The following POLQ variants were observed in gnomAD, a reference collection of about 807,000 sequenced individuals.
The protein encoded by POLQ is DNA polymerase theta.
In POLQ, 233 loss-of-function variants were observed where a neutral mutation model predicts 259.2. The ratio of observed to expected loss-of-function variants is 0.90; its 90% confidence interval spans 0.81 to 1.00. POLQ has a LOEUF of 1.00. POLQ is among the 50% of genes least tolerant of loss of function. The pLI is 0.00. For missense variants in POLQ, 2,871 were observed against 3,051.6 expected, an observed-to-expected ratio of 0.94 and a Z score of 1.39; for synonymous variants, 1,025 against 1,048.8, an observed-to-expected ratio of 0.98 and a Z score of 0.44.
intron 4 of POLQ, among the ~76,000 whole-genome samples, chr3:121,538,786 C>T (rs1244474674): frequency 6.6e-6 from 1 of 151,982 alleles, no homozygotes; most frequent in Non-Finnish European, 1.5e-5. Flanking sequence ...ATGTCTGATT[C>T]CCACCCTCCA....
chr3:121,527,011 C>T (rs970063635), intron 7 of POLQ, among the ~76,000 whole-genome samples: 4 of 152,096 alleles, frequency 2.6e-5, no homozygotes, highest in Non-Finnish European at 5.9e-5. Flanking sequence ...TCAAACGATC[C>T]TCCCACCTCA....
chr3:121,513,679 TC>T (rs1426216339), intron 9 of POLQ, among the ~76,000 whole-genome samples: 3 of 131,962 alleles, frequency 2.3e-5, no homozygotes, highest in Non-Finnish European at 4.8e-5. Context: ...ACTACCCCCC[TC>T]CCCAGAAGCT....
Position 121,468,353 on chromosome 3 carries a change from T to A in POLQ, c.6797A>T (p.Glu2266Val), listed in dbSNP as rs749431543. ...FEIKMPTLVG[E>V]SPPSQAVGKG... ...GCCTACAGCTTGAGAAGGTGGGCTTTCTCCTACTAGTGTTGGCATTTTGAT... is the reference window on the plus strand; with the variant it reads ...GCCTACAGCTTGAGAAGGTGGGCTTACTCCTACTAGTGTTGGCATTTTGAT... The change falls in exon 23 of 30, where the codon GAA becomes GTA. Residue 2266 changes from glutamate (E) to valine (V), a missense_variant. Around this residue, in one of 3 missense-constraint regions of POLQ, gnomAD observed 2,080 missense variants for 2,126.0 expected, o/e 0.98. Coordinates refer to ENST00000264233, the MANE Select transcript of POLQ (RefSeq NM_199420.4). 6.2e-7 allele frequency: 1 copy of A among 1,612,702 alleles called. No homozygotes were observed. The highest frequency in any genetic ancestry group is 2.2e-5 in the East Asian group (1 of 44,836).
rs368769520 is a variant in POLQ at position 121,468,465 on chromosome 3, G to C, written c.6719-34C>G. The C allele has an allele frequency of 9.4e-5, 142 of 1,518,480 alleles. No individual in the cohort carries two copies. In the African/African-American group the frequency reaches 1.9e-3, roughly 20 times the overall value. The allele number at this position is 1,518,480 out of a possible 1,614,324, so 94.1% of individuals were successfully genotyped here. ...AAGCAGAATAAAGACATAAAATCAG[G>C]AAAAAAAATCTAGTATTTGTCTTAA... On this transcript the variant is annotated intron_variant, in intron 22 of 29. Transcript: ENST00000264233.
chr3:121,452,944 G>A (rs1302619097), intron 25 of POLQ, among the ~76,000 whole-genome samples: 2 of 152,214 alleles, frequency 1.3e-5, no homozygotes, highest in East Asian at 1.9e-4. Flanking sequence ...CCTCAAGTGG[G>A]TCCCTGACCC....
At chr3:121,486,178 A>G (rs1457489331) in intron 16 of POLQ, among the ~76,000 whole-genome samples, 1 of 152,228 alleles carries the variant, frequency 6.6e-6, no homozygotes, top group Admixed American at 6.5e-5. Flanking sequence ...GCTAATGTAC[A>G]CTGTGAAGAA....
chr3:121,447,739 G>A (rs1476397213), intron 26 of POLQ, among the ~76,000 whole-genome samples: 1 of 152,112 alleles, frequency 6.6e-6, no homozygotes, highest in Non-Finnish European at 1.5e-5. Context: ...CAACTCTGGT[G>A]TTGATGAAAT....
At chr3:121,478,494 ATAG>A (rs759020714) in intron 19 of POLQ, among the ~76,000 whole-genome samples, 3 of 151,954 alleles carry the variant, frequency 2.0e-5, no homozygotes, top group Non-Finnish European at 2.9e-5. Flanking sequence ...ACAAAGTAAA[ATAG>A]TAGGAAAATA....
intron 8 of POLQ, among the ~76,000 whole-genome samples, chr3:121,520,892 G>T (rs1169592042): frequency 6.6e-6 from 1 of 152,092 alleles, no homozygotes; most frequent in Non-Finnish European, 1.5e-5. Context: ...ACATAAATAC[G>T]TGATGAACAA....
In POLQ at chr3:121,530,656, C is replaced by T. The variant is rs537354868; in HGVS notation, c.961-864G>A. ...AGAAAGGCAACACATTTCAAATGAA[C>T]AAAAGGGCACATGTGAATCCACTGT... On this transcript the variant is annotated intron_variant, in intron 6 of 29. Coordinates refer to ENST00000264233, the MANE Select transcript of POLQ (RefSeq NM_199420.4). Among the ~76,000 whole-genome samples the T allele has an allele frequency of 7.4e-4, 112 of 152,228 alleles. 1 individual carries two copies. Among genetic ancestry groups the T allele is most frequent in the South Asian group, 6.6e-3 (32 of 4,822 alleles).
intron 27 of POLQ, among the ~76,000 whole-genome samples, chr3:121,437,175 C>A (rs1189738832): frequency 2.0e-5 from 3 of 151,994 alleles, no homozygotes; most frequent in Non-Finnish European, 4.4e-5. Flanking sequence ...TTGAAACCAG[C>A]CTGGGCAACA....
intron 14 of POLQ, among the ~76,000 whole-genome samples, chr3:121,496,290 C>T (rs1434952322): frequency 1.3e-5 from 2 of 151,642 alleles, no homozygotes; most frequent in Admixed American, 6.6e-5. Context: ...AATTCTCTGC[C>T]TCAGCCTCCC....
Position 121,510,045 on chromosome 3 carries a change from T to C in POLQ, c.1810A>G (p.Thr604Ala). 1.9e-6 allele frequency: 3 copies of C among 1,612,462 alleles called. No individual in the cohort carries two copies. The highest frequency in any genetic ancestry group is 2.2e-5 in the South Asian group (2 of 91,060). The stretch of plus-strand genomic sequence containing the variant: ...ACTGAGAAGTCACACTTACCTTCTG[T>C]TCCATCACTGGCTTCTGTACTCTGG... ...FIQSTEASDGTEGKVYHPTHL... is the reference protein window; with the variant it reads ...FIQSTEASDGAEGKVYHPTHL... The change falls in exon 11 of 30, where the codon ACA becomes GCA. Residue 604 changes from threonine (T) to alanine (A), a missense_variant. Around this residue, in one of 3 missense-constraint regions of POLQ, gnomAD observed 783 missense variants for 906.2 expected, o/e 0.86. Coordinates refer to ENST00000264233, the MANE Select transcript of POLQ (RefSeq NM_199420.4).
chr3:121,541,007 A>G (rs1192297529), intron 3 of POLQ, among the ~76,000 whole-genome samples: 1 of 151,632 alleles, frequency 6.6e-6, no homozygotes, highest in Non-Finnish European at 1.5e-5. Context: ...CAGTCTCCCG[A>G]GTAGCTGGAA....
intron 25 of POLQ, among the ~76,000 whole-genome samples, chr3:121,450,968 C>T (rs2047670489): frequency 6.6e-6 from 1 of 152,068 alleles, no homozygotes; most frequent in African/African-American, 2.4e-5. Flanking sequence ...TCCCCTATTT[C>T]TTGGAGGCTT....
chr3:121,498,075 C>T (rs989328267), intron 13 of POLQ, among the ~76,000 whole-genome samples: 8 of 152,106 alleles, frequency 5.3e-5, no homozygotes, highest in Non-Finnish European at 8.8e-5. Context: ...CTTTGGGAGG[C>T]GGAGGCGGGT....
rs141327421 is a variant in POLQ, at chr3:121,540,741, C to T, written c.474+608G>A. Among the ~76,000 whole-genome samples, 121 of 152,152 alleles carry T rather than the reference C, an allele frequency of 8.0e-4. 1 individual carries two copies. Among genetic ancestry groups the T allele is most frequent in the Non-Finnish European group, 4.7e-4 (32 of 68,010 alleles). On this transcript the variant is annotated intron_variant, in intron 3 of 29. Transcript: ENST00000264233. ...CAGTTAAATGCTGATTCTTAATGTG[C>T]GTGTTTATATGCTAGTTTAAATATT...
Position 121,440,132 on chromosome 3 carries a change from A to G in POLQ, c.7265-16T>C, listed in dbSNP as rs1184889665. The stretch of plus-strand genomic sequence containing the variant: ...TGATTAATCCCTACAAAGAAAATAC[A>G]GAAATAATTAATTAGAACCAAAGTC... On this transcript the variant is annotated splice_polypyrimidine_tract_variant and intron_variant, in intron 26 of 29. Transcript: ENST00000264233. 1 of 1,592,156 alleles carries G rather than the reference A, an allele frequency of 6.3e-7. No homozygotes were observed. The highest frequency in any genetic ancestry group is 1.7e-5 in the Admixed American group (1 of 59,508).
chr3:121,533,245 A>T lies in POLQ; in HGVS notation c.741-36T>A, dbSNP rs772440751. On this transcript the variant is annotated intron_variant, in intron 5 of 29. Transcript: ENST00000264233. ...ACAAATGAAAAGAACATTAAAAGAT[A>T]TATAATACATTAATAATTAGTGTTG... 4 of 1,311,470 alleles carry T rather than the reference A, an allele frequency of 3.1e-6. No homozygotes were observed. The South Asian group carries it at 6.1e-5, about 20-fold the overall frequency. 81.2% of individuals were successfully genotyped at this position (1,311,470 alleles called of 1,614,324 possible). A position where few individuals can be genotyped will look rare whatever the true frequency, so the allele number is the denominator to read the frequency against.
Sources: gnomAD v4.1 joint callset for allele counts (sites outside exome capture counted in the v4.1 genomes callset) on GRCh38, gnomAD v4.1.1 for gene constraint, gnomAD v4.1.1 regional missense constraint, MANE v1.5 for transcripts, NCBI Gene and HGNC (gene_info 2026-07-23, HGNC 2026-07-21) for gene names.